SDK2: variants seen among roughly 807,000 people sequenced by gnomAD.
The protein encoded by SDK2 is protein sidekick-2.
A neutral mutation model predicts 253.9 loss-of-function variants in SDK2; 105 were observed. The ratio of observed to expected loss-of-function variants is 0.41; its 90% confidence interval spans 0.35 to 0.49. The LOEUF (loss-of-function observed/expected upper bound fraction) is 0.49, where lower values mean the gene tolerates loss of function less well. SDK2 is among the 20% of genes least tolerant of loss of function. The pLI, the probability that SDK2 is intolerant of heterozygous loss-of-function variation, is 0.06. For missense variants in SDK2, 2,608 were observed against 3,003.0 expected, an observed-to-expected ratio of 0.87 and a Z score of 3.07; for synonymous variants, 1,249 against 1,234.9, an observed-to-expected ratio of 1.01 and a Z score of -0.24.
chr17:73,399,150 G>T lies in SDK2; in HGVS notation c.3093+18C>A. ...TGCCCTGGCGGGGGCTGCTGGTCAG[G>T]CCCCAGGCCTGCCCTACCTGGGCTT... On this transcript the variant is annotated intron_variant, in intron 22 of 44. Coordinates refer to ENST00000392650, the MANE Select transcript of SDK2 (RefSeq NM_001144952.2). 1.2e-6 allele frequency: 2 copies of T among 1,612,682 alleles called. No homozygotes were observed. The highest frequency in any genetic ancestry group is 1.7e-6 in the Non-Finnish European group (2 of 1,179,696).
At chr17:73,638,321 C>T (rs2046357498) in intron 1 of SDK2, among the ~76,000 whole-genome samples, 1 of 152,170 alleles carries the variant, frequency 6.6e-6, no homozygotes, top group Admixed American at 6.5e-5. Context: ...AAAGCCCCTG[C>T]CCTCCAGAGA....
rs548209499 is a variant in SDK2, at chr17:73,349,923, G to C, written c.6038+314C>G. On this transcript the variant is annotated intron_variant, in intron 43 of 44. Transcript: ENST00000392650. ...GCTCCGAACATCAGTAGGTTGGTTT[G>C]AAAAATTTTGCCAGTTATTTGCATT... Among the ~76,000 whole-genome samples the C allele has an allele frequency of 3.0e-4, 45 of 152,260 alleles. 1 individual carries two copies. In the South Asian group the frequency reaches 8.3e-3, roughly 28 times the overall value.
chr17:73,637,379 AATT>A (rs751829228), intron 1 of SDK2, among the ~76,000 whole-genome samples: 7 of 152,048 alleles, frequency 4.6e-5, no homozygotes, highest in Non-Finnish European at 8.8e-5. Flanking sequence ...CAGGCTAAAT[AATT>A]ATTATTATTG....
At chr17:73,413,451 C>T (rs1161447776) in intron 18 of SDK2, among the ~76,000 whole-genome samples, 11 of 152,066 alleles carry the variant, frequency 7.2e-5, no homozygotes, top group Non-Finnish European at 1.2e-4. Context: ...TGAATCATCC[C>T]GAAACCATCC....
At chr17:73,550,647 T>C (rs1456283037) in intron 1 of SDK2, among the ~76,000 whole-genome samples, 1 of 152,166 alleles carries the variant, frequency 6.6e-6, no homozygotes, top group Non-Finnish European at 1.5e-5. Flanking sequence ...TTAAGGAGGC[T>C]GGCATGGAGT....
At position 73,361,434 on chromosome 17, in the gene SDK2, G is replaced by A. The variant is rs570579829; in HGVS notation, c.5467+250C>T. Among the ~76,000 whole-genome samples the A allele has an allele frequency of 1.8e-4, 28 of 152,356 alleles. No homozygotes were observed. The highest frequency in any genetic ancestry group is 6.8e-3 in the Middle Eastern group (2 of 294). ...TGGCCAGGCCAGGCCTGTGGGCTGGGCCTAAGTGGGAGAGGAGGGGGCGCT... is the reference window on the plus strand; with the variant it reads ...TGGCCAGGCCAGGCCTGTGGGCTGGACCTAAGTGGGAGAGGAGGGGGCGCT... On this transcript the variant is annotated intron_variant, in intron 39 of 44. Transcript: ENST00000392650. The surrounding 1 kb of genome is among the most constrained non-coding windows in gnomAD (Gnocchi z 4.1).
At chr17:73,349,491 C>T (rs891797855) in intron 43 of SDK2, among the ~76,000 whole-genome samples, 4 of 152,194 alleles carry the variant, frequency 2.6e-5, no homozygotes, top group Non-Finnish European at 5.9e-5. Flanking sequence ...AACAGAAAAC[C>T]GCCACACATC....
chr17:73,350,188 C>CGTGGGCA, intron 43 of SDK2, 49 bp downstream of exon 43: 1 of 1,544,858 alleles, frequency 6.5e-7, no homozygotes, highest in Non-Finnish European at 8.7e-7. Flanking sequence ...ATTCTCCCCA[C>CGTGGGCA]CTGGGCACTG....
intron 1 of SDK2, among the ~76,000 whole-genome samples, chr17:73,593,319 G>A (rs1470373920): frequency 2.0e-5 from 3 of 152,184 alleles, no homozygotes; most frequent in Admixed American, 2.0e-4. Context: ...GGCCCAAAAC[G>A]TTTGTGGGGA....
intron 1 of SDK2, among the ~76,000 whole-genome samples, chr17:73,533,995 A>T (rs1042089044): frequency 2.0e-5 from 3 of 152,126 alleles, no homozygotes; most frequent in South Asian, 4.1e-4. Flanking sequence ...ATGCGGCAAC[A>T]TCTGCACCTC....
intron 44 of SDK2, among the ~76,000 whole-genome samples, chr17:73,340,895 C>CTGTA (rs2062430921): frequency 6.6e-6 from 1 of 151,744 alleles, no homozygotes; most frequent in African/African-American, 2.4e-5. Context: ...AGGCATGTGC[C>CTGTA]ACCACATCTG....
At chr17:73,483,479 T>TTGTGTGTG (rs146198916) in intron 2 of SDK2, among the ~76,000 whole-genome samples, 1 of 127,674 alleles carries the variant, frequency 7.8e-6, no homozygotes, top group African/African-American at 3.1e-5. Context: ...TGGCTAATCT[T>TTGTGTGTG]TGTGTGTGTG....
chr17:73,552,531 A>G (rs76940148), intron 1 of SDK2, among the ~76,000 whole-genome samples: 6,588 of 152,248 alleles, frequency 0.043, 239 homozygotes, highest in East Asian at 0.18. Flanking sequence ...GTCGAGGCGC[A>G]GGTCTGAGTG....
At chr17:73,469,141 A>C (rs935084696) in intron 3 of SDK2, among the ~76,000 whole-genome samples, 4 of 152,102 alleles carry the variant, frequency 2.6e-5, no homozygotes, top group African/African-American at 9.7e-5. Context: ...CTTTTTATTA[A>C]GCCACACTGC....
chr17:73,504,898 T>C (rs1432839598), intron 2 of SDK2, among the ~76,000 whole-genome samples: 1 of 152,054 alleles, frequency 6.6e-6, no homozygotes, highest in Non-Finnish European at 1.5e-5. Context: ...AAGGCCCTTC[T>C]AAGGAGTGCA....
Position 73,387,961 on chromosome 17 carries a change from C to A in SDK2, c.4269G>T (p.Glu1423Asp). 1 of 1,574,850 alleles carries A rather than the reference C, an allele frequency of 6.3e-7. No individual in the cohort carries two copies. The highest frequency in any genetic ancestry group is 2.4e-5 in the East Asian group (1 of 42,508). The stretch of plus-strand genomic sequence containing the variant: ...CAGGGGAGAGCCCGTCGCTCCCTGG[C>A]TCCCAGGACAGCAGCACGCTGCGTG... ...VRARSVLLSW[E>D]PGSDGLSPVR... The change falls in exon 30 of 45, where the codon GAG becomes GAT. Residue 1423 changes from glutamate to aspartate, a missense_variant. By Grantham distance (45) the Glu-to-Asp change is conservative. Around this residue, in one of 2 missense-constraint regions of SDK2, gnomAD observed 1,103 missense variants for 1,143.9 expected, o/e 0.96. Transcript: ENST00000392650.
chr17:73,388,850 TTTTCTTTC>T (rs1217848186), intron 29 of SDK2, among the ~76,000 whole-genome samples: 9 of 109,484 alleles, frequency 8.2e-5, no homozygotes, highest in Non-Finnish European at 1.5e-4. Flanking sequence ...CCTCCTTTCC[TTTTCTTTC>T]TCCCTCTCTT....
At chr17:73,457,167 C>T (rs923939188) in intron 3 of SDK2, among the ~76,000 whole-genome samples, 2 of 152,140 alleles carry the variant, frequency 1.3e-5, no homozygotes, top group African/African-American at 2.4e-5. Context: ...CTTCTGATTT[C>T]ACTGGCGTGG....
In SDK2 at chr17:73,616,051, G is replaced by A. The variant is rs535582006; in HGVS notation, c.64+27974C>T. Among the ~76,000 whole-genome samples the A allele has an allele frequency of 1.6e-3, 249 of 151,984 alleles. No homozygotes were observed. Among genetic ancestry groups the A allele is most frequent in the African/African-American group, 5.7e-3 (238 of 41,456 alleles). On this transcript the variant is annotated intron_variant, in intron 1 of 44. Transcript: ENST00000392650. This position sits in a 1 kb window ranked among gnomAD's most constrained non-coding sequence, Gnocchi z 5.2. ...TACACATGAACACACATACACACACGTACACACACATACATACTTCTTCCC... is the reference window on the plus strand; with the variant it reads ...TACACATGAACACACATACACACACATACACACACATACATACTTCTTCCC...
Sources: gnomAD v4.1 joint callset for allele counts (sites outside exome capture counted in the v4.1 genomes callset) on GRCh38, gnomAD v4.1.1 for gene constraint, gnomAD v4.1.1 regional missense constraint, Gnocchi (gnomAD v3.1) non-coding constraint, MANE v1.5 for transcripts, NCBI Gene and HGNC (gene_info 2026-07-23, HGNC 2026-07-21) for gene names.